Variants in ATCAY observed in about 807,000 individuals in gnomAD.
ATCAY encodes the protein caytaxin.
ATCAY carries 22 observed loss-of-function variants against 47.7 expected under a neutral mutation model. The ratio of observed to expected loss-of-function variants is 0.46; its 90% CI spans 0.33 to 0.66. ATCAY has a LOEUF of 0.66. Ranked by LOEUF, ATCAY falls within the 30% of genes least tolerant of loss-of-function variation. The pLI is 0.02. For synonymous variants in ATCAY, 216 were observed against 207.6 expected, an observed-to-expected ratio of 1.04 and a Z score of -0.35; for missense variants, 452 against 515.0, an observed-to-expected ratio of 0.88 and a Z score of 1.18.
intron 6 of ATCAY, 97 bp from the exon 7 acceptor site, chr19:3,909,389 C>T (rs923287642): frequency 1.4e-5 from 21 of 1,457,482 alleles, no homozygotes; most frequent in Admixed American, 1.9e-5. Context: ...CTGACCCAGC[C>T]AGCGGCAGGA....
chr19:3,915,971 T>A (rs111974749), intron 9 of ATCAY, among the ~76,000 whole-genome samples: 5,820 of 152,108 alleles, frequency 0.038, 376 homozygotes, highest in African/African-American at 0.13. Context: ...ATTACAGGCA[T>A]GAGCCACTGC....
In ATCAY at chr19:3,897,799, T is replaced by C. The variant is rs529323818; in HGVS notation, c.78-4688T>C. Among the ~76,000 whole-genome samples the C allele has an allele frequency of 3.3e-5, 5 of 152,008 alleles. No homozygotes were observed. In the South Asian group the frequency reaches 1.0e-3, roughly 32 times the overall value. On this transcript the variant is annotated intron_variant, in intron 2 of 12. Transcript: ENST00000450849. ...GGTGGGCGCCTATAATCACAGCTAC[T>C]CTGGAGGCTGAGGCACAAGAATCGC...
intron 2 of ATCAY, among the ~76,000 whole-genome samples, chr19:3,891,998 T>C (rs1461204670): frequency 6.6e-6 from 1 of 152,044 alleles, no homozygotes; most frequent in Non-Finnish European, 1.5e-5. Context: ...CCAGCAATTC[T>C]CCTGCCTCAG....
intron 5 of ATCAY, among the ~76,000 whole-genome samples, 168 bp downstream of exon 5, chr19:3,908,087 C>T (rs2038881356): frequency 6.6e-6 from 1 of 152,186 alleles, no homozygotes; most frequent in African/African-American, 2.4e-5. Flanking sequence ...CACTGGGGGC[C>T]CCTGATGGTC....
chr19:3,882,275 G>C (rs1013607440), intron 1 of ATCAY, among the ~76,000 whole-genome samples: 1 of 151,660 alleles, frequency 6.6e-6, no homozygotes, highest in Non-Finnish European at 1.5e-5. Context: ...TCCTCGCAAA[G>C]TGCTGGGATT....
chr19:3,884,374 C>T (rs2038628737), intron 1 of ATCAY, among the ~76,000 whole-genome samples: 1 of 152,180 alleles, frequency 6.6e-6, no homozygotes, highest in Middle Eastern at 3.4e-3. Context: ...TCCACACTGC[C>T]TTAGTGAGCC....
chr19:3,894,865 C>T (rs559739040), intron 2 of ATCAY, among the ~76,000 whole-genome samples: 47 of 148,570 alleles, frequency 3.2e-4, no homozygotes, highest in Non-Finnish European at 5.9e-4. Flanking sequence ...AGGAGGATCC[C>T]TTGAGCCCAG....
chr19:3,921,615 G>C lies in ATCAY; in HGVS notation c.1106+817G>C, dbSNP rs538817160. 2.0e-3 allele frequency among the ~76,000 whole-genome samples: 295 copies of C among 150,564 alleles called. 2 individuals carry two copies. Among genetic ancestry groups the C allele is most frequent in the African/African-American group, 6.6e-3 (271 of 40,998 alleles). On this transcript the variant is annotated intron_variant, in intron 12 of 12. Coordinates refer to ENST00000450849, the MANE Select transcript of ATCAY (RefSeq NM_033064.5). ...AGAAGGGTACAGTTAAAAATCAGCA[G>C]AGTTGGGTGTGGTGGCTCATGCCTG...
intron 2 of ATCAY, among the ~76,000 whole-genome samples, chr19:3,886,926 C>A (rs2038661734): frequency 1.3e-5 from 2 of 151,778 alleles, no homozygotes; most frequent in African/African-American, 4.8e-5. Context: ...GTTGGCCAGG[C>A]CAGTCTCGAA....
chr19:3,883,878 C>A (rs1599272829), intron 1 of ATCAY, among the ~76,000 whole-genome samples: 2 of 152,130 alleles, frequency 1.3e-5, no homozygotes, highest in African/African-American at 4.8e-5. Flanking sequence ...TGAGAGTCTG[C>A]CATGCCCCAG....
Position 3,909,223 on chromosome 19 carries a change from C to T in ATCAY, c.648-263C>T, listed in dbSNP as rs1389211133. 4.0e-5 allele frequency among the ~76,000 whole-genome samples: 4 copies of T among 101,122 alleles called. No homozygotes were observed. The Admixed American group carries it at 4.5e-4, about 11-fold the overall frequency. The allele number at this position is 101,122 out of a possible 152,430, so 66.3% of individuals were successfully genotyped here. A position where few individuals can be genotyped will look rare whatever the true frequency, so the allele number is the denominator to read the frequency against. On this transcript the variant is annotated intron_variant, in intron 6 of 12. Coordinates refer to ENST00000450849, the MANE Select transcript of ATCAY (RefSeq NM_033064.5). ...CTGCACTCTAGCCTGGGCAACAGAG[C>T]GAGATTCCGTCTCAAAAAAAAAAAA... is the stretch of plus-strand genomic sequence containing the variant.
At chr19:3,890,979 ACTGCAGAAGT>A (rs1212192788) in intron 2 of ATCAY, among the ~76,000 whole-genome samples, 1 of 151,648 alleles carries the variant, frequency 6.6e-6, no homozygotes, top group Non-Finnish European at 1.5e-5. Flanking sequence ...TCCCCTGGGG[ACTGCAGAAGT>A]GGTCTTTGTA....
intron 9 of ATCAY, among the ~76,000 whole-genome samples, chr19:3,916,749 A>G (rs896427616): frequency 6.6e-6 from 1 of 150,832 alleles, no homozygotes; most frequent in Non-Finnish European, 1.5e-5. Flanking sequence ...AAGTGCTGGG[A>G]TTACAGGCGT....
At chr19:3,902,687 G>C (rs1366353339) in intron 3 of ATCAY, 142 bp downstream of exon 3, 1 of 912,080 alleles carries the variant, frequency 1.1e-6, no homozygotes, top group African/African-American at 1.7e-5. Context: ...GGTGGAAGTG[G>C]CCGTGGTGGG....
chr19:3,898,036 AC>A (rs1357867349), intron 2 of ATCAY, among the ~76,000 whole-genome samples: 3 of 152,144 alleles, frequency 2.0e-5, no homozygotes, highest in African/African-American at 7.2e-5. Flanking sequence ...CTGCAACCCC[AC>A]ATCTATCTAA....
At chr19:3,883,829 T>C (rs917719690) in intron 1 of ATCAY, among the ~76,000 whole-genome samples, 3 of 152,116 alleles carry the variant, frequency 2.0e-5, no homozygotes, top group Non-Finnish European at 4.4e-5. Flanking sequence ...CTCTTTTGTT[T>C]ACAGAAAGGG....
chr19:3,927,587 C>T lies in ATCAY; in HGVS notation c.*2995C>T, dbSNP rs1306559858. 2 of 152,272 alleles carry T rather than the reference C, an allele frequency of 1.3e-5. No individual in the cohort carries two copies. Among genetic ancestry groups the T allele is most frequent in the Non-Finnish European group, 2.9e-5 (2 of 68,092 alleles). The allele number at this position is 152,272 out of a possible 1,614,324, so 9.4% of individuals were successfully genotyped here. On this transcript the variant is annotated 3_prime_UTR_variant, in exon 13 of 13. Transcript: ENST00000450849. ...CACCAGAAACTCCAGGGGGTCCGCCCGTTATGCCGTGGCCCACCCACGCCC... is the reference window on the plus strand; with the variant it reads ...CACCAGAAACTCCAGGGGGTCCGCCTGTTATGCCGTGGCCCACCCACGCCC...
chr19:3,891,524 T>A (rs1052952252), intron 2 of ATCAY, among the ~76,000 whole-genome samples: 4 of 151,856 alleles, frequency 2.6e-5, no homozygotes, highest in Non-Finnish European at 4.4e-5. Flanking sequence ...GGCAGCTGGG[T>A]TCATGGCACT....
chr19:3,899,251 C>T (rs1177041248), intron 2 of ATCAY, among the ~76,000 whole-genome samples: 10 of 151,190 alleles, frequency 6.6e-5, no homozygotes, highest in South Asian at 2.1e-4. Context: ...AAATAGATTC[C>T]GCCCCAAAAA....
Sources: gnomAD v4.1 joint callset for allele counts (sites outside exome capture counted in the v4.1 genomes callset) on GRCh38, gnomAD v4.1.1 for gene constraint, MANE v1.5 for transcripts, NCBI Gene and HGNC (gene_info 2026-07-23, HGNC 2026-07-21) for gene names.